RAB6B: variants seen among roughly 807,000 people sequenced by gnomAD.
RAB6B encodes the protein RAB6B, member RAS oncogene family.
RAB6B carries 7 observed loss-of-function variants against 31.2 expected under a neutral mutation model. That is an observed-to-expected ratio of 0.22 (90% CI 0.13 to 0.42). The LOEUF (loss-of-function observed/expected upper bound fraction) is 0.42, where lower values mean the gene tolerates loss of function less well. Among genes scored for constraint, RAB6B ranks in the 10% least tolerant of loss-of-function variants. RAB6B has a pLI of 1.00. For synonymous variants in RAB6B, 105 were observed against 104.9 expected, an observed-to-expected ratio of 1.00 and a Z score of -0.01; for missense variants, 149 against 280.6, an observed-to-expected ratio of 0.53 and a Z score of 3.35.
At chr3:133,850,974 A>G (rs1935976158) in intron 2 of RAB6B, among the ~76,000 whole-genome samples, 1 of 151,984 alleles carries the variant, frequency 6.6e-6, no homozygotes, top group Non-Finnish European at 1.5e-5. Flanking sequence ...CTGGAAAAAA[A>G]TGGAAGCTAG....
chr3:133,835,789 C>T (rs1373236847), intron 6 of RAB6B, among the ~76,000 whole-genome samples: 1 of 152,030 alleles, frequency 6.6e-6, no homozygotes, highest in Non-Finnish European at 1.5e-5. Flanking sequence ...GCCTGTCTGC[C>T]CCTTCCACCT....
intron 6 of RAB6B, among the ~76,000 whole-genome samples, chr3:133,835,169 C>G (rs1432855921): frequency 2.0e-5 from 3 of 152,158 alleles, no homozygotes; most frequent in African/African-American, 7.2e-5. Flanking sequence ...GCGAGGGATG[C>G]AGGAGTGTGA....
chr3:133,864,520 GC>G (rs1201222203), intron 2 of RAB6B, 63 bp downstream of exon 2: 4 of 1,534,916 alleles, frequency 2.6e-6, no homozygotes, highest in Non-Finnish European at 3.6e-6. Flanking sequence ...CCCCAGCTCA[GC>G]AAGTTTCAAA....
rs1935832054 is a variant in RAB6B, at chr3:133,841,607, C to T, written c.183+3G>A. On this transcript the variant is annotated splice_donor_region_variant and intron_variant, in intron 3 of 7. Coordinates refer to ENST00000285208, the MANE Select transcript of RAB6B (RefSeq NM_016577.4). ...CCTCCCAGTCCTGATATTAGGTGCTCACCGTGCGGTCCTCCAAGTACATGG... is the reference window on the plus strand; with the variant it reads ...CCTCCCAGTCCTGATATTAGGTGCTTACCGTGCGGTCCTCCAAGTACATGG... 2 of 1,613,312 alleles carry T rather than the reference C, an allele frequency of 1.2e-6. No individual in the cohort carries two copies. The highest frequency in any genetic ancestry group is 2.7e-5 in the African/African-American group (2 of 74,772).
rs376502588 is a variant in RAB6B at position 133,876,609 on chromosome 3, G to A, written c.71-11967C>T. Among the ~76,000 whole-genome samples the A allele has an allele frequency of 2.9e-4, 44 of 152,294 alleles. 1 individual carries two copies. Among genetic ancestry groups the A allele is most frequent in the African/African-American group, 9.9e-4 (41 of 41,570 alleles). ...GAAGGTAGACTAAGAAACTGTCTAA[G>A]CTCCCTGGCAGTCAAAGGGGAAAAA... On this transcript the variant is annotated intron_variant, in intron 1 of 7. Coordinates refer to ENST00000285208, the MANE Select transcript of RAB6B (RefSeq NM_016577.4).
chr3:133,842,598 G>C (rs1345882364), intron 2 of RAB6B, among the ~76,000 whole-genome samples: 3 of 152,156 alleles, frequency 2.0e-5, no homozygotes, highest in African/African-American at 7.2e-5. Flanking sequence ...AAATATTTAA[G>C]GATTTGGGGA....
intron 6 of RAB6B, among the ~76,000 whole-genome samples, chr3:133,836,559 G>A (rs934653737): frequency 3.9e-5 from 6 of 152,200 alleles, no homozygotes; most frequent in Non-Finnish European, 8.8e-5. Flanking sequence ...GGGTTCCAGA[G>A]CACTCTGGGG....
intron 1 of RAB6B, among the ~76,000 whole-genome samples, chr3:133,889,934 T>C (rs1275853057): frequency 6.6e-6 from 1 of 152,188 alleles, no homozygotes; most frequent in African/African-American, 2.4e-5. Flanking sequence ...CTTCCTCTTA[T>C]ACCAAGTACA....
At chr3:133,870,594 A>T (rs1307203413) in intron 1 of RAB6B, among the ~76,000 whole-genome samples, 1 of 152,164 alleles carries the variant, frequency 6.6e-6, no homozygotes, top group South Asian at 2.1e-4. Context: ...CATGACCATT[A>T]GATGCTAGAG....
intron 1 of RAB6B, among the ~76,000 whole-genome samples, chr3:133,891,872 G>A (rs1317832140): frequency 6.6e-6 from 1 of 152,180 alleles, no homozygotes; most frequent in Non-Finnish European, 1.5e-5. Context: ...CTGGCCTGCC[G>A]TCCTCAGCTA....
intron 2 of RAB6B, among the ~76,000 whole-genome samples, chr3:133,848,267 C>T (rs1044958843): frequency 6.6e-5 from 10 of 152,170 alleles, no homozygotes; most frequent in African/African-American, 2.4e-4. Context: ...CTGTCTGTTC[C>T]CTCACATCAA....
chr3:133,848,290 C>G (rs1935933638), intron 2 of RAB6B, among the ~76,000 whole-genome samples: 1 of 152,212 alleles, frequency 6.6e-6, no homozygotes, highest in African/African-American at 2.4e-5. Flanking sequence ...GAATACTGAA[C>G]TGGTTGCTTG....
chr3:133,836,668 C>T (rs1935739886), intron 6 of RAB6B, among the ~76,000 whole-genome samples: 1 of 152,098 alleles, frequency 6.6e-6, no homozygotes, highest in Admixed American at 6.5e-5. Flanking sequence ...TGCTTCCCTG[C>T]TTCCCATGAC....
At chr3:133,841,763 C>G (rs146521230) in intron 2 of RAB6B, 100 bp from the exon 3 acceptor site, 11 of 1,193,084 alleles carry the variant, frequency 9.2e-6, no homozygotes, top group Middle Eastern at 2.0e-4. Context: ...CAAGAGGGGA[C>G]GCTCATGTCA....
rs535823706 is a variant in RAB6B, at chr3:133,835,374, G to A, written c.496-733C>T. On this transcript the variant is annotated intron_variant, in intron 6 of 7. Coordinates refer to ENST00000285208, the MANE Select transcript of RAB6B (RefSeq NM_016577.4). ...ATGTTTGAGTGTGGTGTGTGTGAAC[G>A]TGTGGCATCTTTATGTGTGTGTTTG... 1.1e-4 allele frequency among the ~76,000 whole-genome samples: 16 copies of A among 152,106 alleles called. No homozygotes were observed. The East Asian group carries it at 2.1e-3, about 20-fold the overall frequency.
intron 2 of RAB6B, among the ~76,000 whole-genome samples, chr3:133,854,359 T>A (rs1237050653): frequency 6.6e-6 from 1 of 152,238 alleles, no homozygotes; most frequent in Non-Finnish European, 1.5e-5. Context: ...CTGGTAACTA[T>A]TTTACAGGGA....
chr3:133,888,120 C>A lies in RAB6B; in HGVS notation c.70+7277G>T, dbSNP rs570617229. Among the ~76,000 whole-genome samples the A allele has an allele frequency of 6.2e-4, 94 of 152,342 alleles. 4 individuals carry two copies. Among genetic ancestry groups the A allele is most frequent in the African/African-American group, 2.1e-3 (86 of 41,580 alleles). On this transcript the variant is annotated intron_variant, in intron 1 of 7. Transcript: ENST00000285208. ...TCAGTGTTCTTCTGTCTCCTCCGCT[C>A]CAGTCCTAGGCCAGAAGCTGCCTTT...
rs1405153373 is a variant in RAB6B at position 133,895,810 on chromosome 3, G to C, written c.-344C>G. ...GGGGCGCAGGGACGGCGCGCGGGGCGGAGGAGCGCTCTCCAGAGCCGCGCC... is the reference window on the plus strand; with the variant it reads ...GGGGCGCAGGGACGGCGCGCGGGGCCGAGGAGCGCTCTCCAGAGCCGCGCC... On this transcript the variant is annotated 5_prime_UTR_variant, in exon 1 of 8. Coordinates refer to ENST00000285208, the MANE Select transcript of RAB6B (RefSeq NM_016577.4). 3 of 290,636 alleles carry C rather than the reference G, an allele frequency of 1.0e-5. No homozygotes were observed. Among genetic ancestry groups the C allele is most frequent in the Non-Finnish European group, 1.9e-5 (3 of 158,136 alleles). The allele number at this position is 290,636 out of a possible 1,614,324, so 18.0% of individuals were successfully genotyped here. A position where few individuals can be genotyped will look rare whatever the true frequency, so the allele number is the denominator to read the frequency against.
chr3:133,859,718 T>A (rs1335975777), intron 2 of RAB6B, among the ~76,000 whole-genome samples: 3 of 152,194 alleles, frequency 2.0e-5, no homozygotes, highest in Non-Finnish European at 4.4e-5. Flanking sequence ...CCTCTCCTGT[T>A]TGTCCCCTCC....
Sources: gnomAD v4.1 joint callset for allele counts (sites outside exome capture counted in the v4.1 genomes callset) on GRCh38, gnomAD v4.1.1 for gene constraint, MANE v1.5 for transcripts, NCBI Gene and HGNC (gene_info 2026-07-23, HGNC 2026-07-21) for gene names.